USP34: variants seen among roughly 807,000 people sequenced by gnomAD.
USP34 encodes the protein ubiquitin carboxyl-terminal hydrolase 34.
A neutral mutation model predicts 460.3 loss-of-function variants in USP34; 70 were observed. That is an observed-to-expected ratio of 0.15 (90% CI 0.13 to 0.19). The LOEUF (loss-of-function observed/expected upper bound fraction) is 0.19. USP34 is among the 10% of genes least tolerant of loss of function. The pLI is 1.00. For missense variants in USP34, 3,985 were observed against 4,236.2 expected (o/e 0.94, Z 1.65); for synonymous variants, 1,647 against 1,405.3 (o/e 1.17, Z -3.85).
intron 5 of USP34, among the ~76,000 whole-genome samples, chr2:61,388,440 G>C (rs1399864450): frequency 6.8e-6 from 1 of 146,686 alleles, no homozygotes; most frequent in Non-Finnish European, 1.5e-5. Context: ...AGGGGATGTG[G>C]GGGTACAGGG....
At chr2:61,380,602 C>G (rs1202054172) in intron 6 of USP34, among the ~76,000 whole-genome samples, 2 of 61,402 alleles carry the variant, frequency 3.3e-5, no homozygotes, top group Non-Finnish European at 7.6e-5. Context: ...ACAAATTCCT[C>G]CCATCATTAT....
At chr2:61,407,089 A>T (rs923243475) in intron 2 of USP34, among the ~76,000 whole-genome samples, 2 of 152,142 alleles carry the variant, frequency 1.3e-5, no homozygotes, top group African/African-American at 4.8e-5. Context: ...ATATGTAGAT[A>T]ATTAAAAGGA....
At chr2:61,212,351 T>G (rs1687293691) in intron 68 of USP34, among the ~76,000 whole-genome samples, 1 of 152,242 alleles carries the variant, frequency 6.6e-6, no homozygotes, top group African/African-American at 2.4e-5. Context: ...CTTTTGTAAC[T>G]TCAAATGTAA....
At chr2:61,325,725 G>C (rs941391328) in intron 20 of USP34, among the ~76,000 whole-genome samples, 4 of 152,112 alleles carry the variant, frequency 2.6e-5, no homozygotes, top group Non-Finnish European at 5.9e-5. Flanking sequence ...CAGTGAAGCA[G>C]AGGAAGTATG....
chr2:61,315,608 C>G (rs961503701), intron 23 of USP34, among the ~76,000 whole-genome samples: 8 of 152,056 alleles, frequency 5.3e-5, no homozygotes, highest in African/African-American at 1.7e-4. Flanking sequence ...CTCCCAACCT[C>G]AGCTGATCCA....
At chr2:61,222,731 A>G in intron 64 of USP34, 68 bp from the exon 65 acceptor site, 5 of 1,454,774 alleles carry the variant, frequency 3.4e-6, no homozygotes, top group South Asian at 1.2e-5. Flanking sequence ...GGGTTTCGCT[A>G]TGTCACCCAG....
At chr2:61,401,066 G>A (rs1222851371) in intron 3 of USP34, among the ~76,000 whole-genome samples, 2 of 145,460 alleles carry the variant, frequency 1.4e-5, no homozygotes, top group African/African-American at 2.6e-5. Context: ...CAGGAGAATC[G>A]CCTGAACCCA....
chr2:61,325,629 T>A (rs1037281306), intron 20 of USP34, among the ~76,000 whole-genome samples, 172 bp from the exon 21 acceptor site: 1 of 152,070 alleles, frequency 6.6e-6, no homozygotes. Flanking sequence ...AACAAAAAAA[T>A]TTATACTATT....
At chr2:61,190,442 C>A in intron 77 of USP34, 28 bp from the exon 78 acceptor site, 1 of 1,599,538 alleles carries the variant, frequency 6.3e-7, no homozygotes, top group Non-Finnish European at 8.5e-7. Flanking sequence ...AAAAAATCTC[C>A]AAAAGACCAG....
intron 41 of USP34, among the ~76,000 whole-genome samples, chr2:61,275,963 A>T (rs1044992391): frequency 2.6e-5 from 4 of 152,336 alleles, no homozygotes; most frequent in Non-Finnish European, 2.9e-5. Flanking sequence ...GAAAAAATAC[A>T]TGCAGCAAAT....
chr2:61,300,803 G>GA (rs1690194068), intron 29 of USP34, 148 bp downstream of exon 29: 1 of 510,190 alleles, frequency 2.0e-6, no homozygotes, highest in African/African-American at 3.6e-5. Flanking sequence ...CTCAAAAAAA[G>GA]AAAACAAAAA....
rs1688190801 is a variant in USP34, at chr2:61,239,755, T to C, written c.6777+1805A>G. On this transcript the variant is annotated intron_variant, in intron 53 of 79. Coordinates refer to ENST00000398571, the MANE Select transcript of USP34 (RefSeq NM_014709.4). ...AAAGCATTTGAGAACAATCCTGTAA[T>C]CCCAGCACTTTGGGAGGCCGAGATG... 2.0e-5 allele frequency among the ~76,000 whole-genome samples: 3 copies of C among 152,274 alleles called. No individual in the cohort carries two copies. In the South Asian group the frequency reaches 6.2e-4, roughly 32 times the overall value.
At chr2:61,390,550 T>C (rs1024091360) in intron 5 of USP34, among the ~76,000 whole-genome samples, 49 of 152,204 alleles carry the variant, frequency 3.2e-4, no homozygotes, top group Non-Finnish European at 5.9e-4. Context: ...ATCCATATAA[T>C]AGGTGGAATA....
Position 61,272,153 on chromosome 2 carries a change from T to C in USP34, c.5434-5986A>G, listed in dbSNP as rs1194607600. Reference sequence around the variant, plus strand: ...TTGGCCGGGCACGGCGGCTCACGCCTGTAATCCCAGCACTTTGGGAGGCAG... The same window carrying C: ...TTGGCCGGGCACGGCGGCTCACGCCCGTAATCCCAGCACTTTGGGAGGCAG... On this transcript the variant is annotated intron_variant, in intron 41 of 79. Transcript: ENST00000398571. 2.0e-5 allele frequency among the ~76,000 whole-genome samples: 3 copies of C among 152,314 alleles called. No individual in the cohort carries two copies. In the East Asian group the frequency reaches 5.8e-4, roughly 29 times the overall value.
At chr2:61,464,211 C>A (rs1222502682) in intron 1 of USP34, among the ~76,000 whole-genome samples, 1 of 152,092 alleles carries the variant, frequency 6.6e-6, no homozygotes, top group Admixed American at 6.6e-5. Context: ...TCCAGCTACT[C>A]AGGAGGATGA....
chr2:61,420,654 C>T, intron 2 of USP34, 92 bp downstream of exon 2: 1 of 824,514 alleles, frequency 1.2e-6, no homozygotes, highest in Non-Finnish European at 1.9e-6. Context: ...GGTATCTAAC[C>T]CAACACCCTA....
intron 57 of USP34, among the ~76,000 whole-genome samples, chr2:61,234,067 T>A (rs1230723831): frequency 6.6e-6 from 1 of 152,220 alleles, no homozygotes; most frequent in East Asian, 1.9e-4. Flanking sequence ...TTATTATTTA[T>A]TGAAGTTGAG....
At chr2:61,305,880 A>C (rs181435085) in intron 27 of USP34, among the ~76,000 whole-genome samples, 1 of 152,342 alleles carries the variant, frequency 6.6e-6, no homozygotes, top group South Asian at 2.1e-4. Flanking sequence ...CAACAATTTT[A>C]AAGTTCTAAA....
At chr2:61,444,126 A>G (rs1373085684) in intron 1 of USP34, among the ~76,000 whole-genome samples, 2 of 152,116 alleles carry the variant, frequency 1.3e-5, no homozygotes, top group East Asian at 1.9e-4. Context: ...TGGGGCATGC[A>G]TGCCTGTAGT....
Sources: allele counts gnomAD v4.1 joint callset (sites outside exome capture counted in the v4.1 genomes callset), GRCh38; gene constraint gnomAD v4.1.1; transcripts MANE v1.5; gene names NCBI Gene and HGNC (gene_info 2026-07-23, HGNC 2026-07-21).